Variants in UBL4B observed in about 807,000 individuals in gnomAD.
UBL4B encodes ubiquitin-like protein 4B.
For synonymous variants in UBL4B, 94 were observed against 92.8 expected (o/e 1.01, Z -0.08); for missense variants, 194 against 209.9 (o/e 0.92, Z 0.47).
Position 110,112,471 on chromosome 1 carries a change from C to T in UBL4B, c.-64C>T. The T allele has an allele frequency of 6.5e-7, 1 of 1,533,096 alleles. No individual in the cohort carries two copies. 95.0% of individuals were successfully genotyped at this position (1,533,096 alleles called of 1,614,324 possible). On this transcript the variant is annotated 5_prime_UTR_variant, in exon 1 of 1. Transcript: ENST00000334179. ...GATAGGGAGAAGCCAACATCTCCCG[C>T]AGGACCCCCTAATCTTCAGGGCAGC...
Position 110,112,930 on chromosome 1 carries a change from G to C in UBL4B, c.396G>C (p.Gln132His). 6.2e-7 allele frequency: 1 copy of C among 1,610,104 alleles called. No individual in the cohort carries two copies. Among genetic ancestry groups the C allele is most frequent in the Non-Finnish European group, 8.5e-7 (1 of 1,178,496 alleles). Residue 132 changes from glutamine (Q) to histidine (H), a missense_variant, in exon 1 of 1, where the codon CAG becomes CAC. Gln to His is a conservative substitution (Grantham distance 24). Coordinates refer to ENST00000334179, the MANE Select transcript of UBL4B (RefSeq NM_203412.2). ...LQKISLEHLE[Q>H]LAQYLLAEEP... ...AGATAAGCCTGGAGCACCTGGAGCA[G>C]CTGGCCCAGTACCTCCTGGCAGAGG...
rs1452761407 is a variant in UBL4B, at chr1:110,112,712, T to C, written c.178T>C (p.Cys60Arg). The change falls in exon 1 of 1, where the codon TGC becomes CGC. Residue 60 changes from cysteine (C) to arginine (R), a missense_variant. By Grantham distance (180) the Cys-to-Arg change is radical. Coordinates refer to ENST00000334179, the MANE Select transcript of UBL4B (RefSeq NM_203412.2). Reference sequence around the variant, plus strand: ...GGATGACAAGCACCTCTCTGACTACTGCATTGGGCCCAATGCCTCTATCAA... The same window carrying C: ...GGATGACAAGCACCTCTCTGACTACCGCATTGGGCCCAATGCCTCTATCAA... ...LEDDKHLSDY[C>R]IGPNASINVI... is the part of the protein sequence containing the mutation. 6.2e-7 allele frequency: 1 copy of C among 1,614,142 alleles called. No homozygotes were observed. The highest frequency in any genetic ancestry group is 1.1e-5 in the South Asian group (1 of 91,082).
rs1221463507 is a variant in UBL4B, at chr1:110,112,572, G to A, written c.38G>A (p.Cys13Tyr). Residue 13 changes from cysteine to tyrosine, a missense_variant, in exon 1 of 1, where the codon TGC (cysteine) becomes TAC (tyrosine). Cys to Tyr is a radical substitution (Grantham distance 194). Transcript: ENST00000334179. The stretch of plus-strand genomic sequence containing the variant: ...GTCAAGCTGCTCCTGGGCCAGAGAT[G>A]CAGTCTGAAGGTGTCAGGGCAAGAG... The part of the protein sequence containing the change: ...LTVKLLLGQR[C>Y]SLKVSGQESV... The A allele has an allele frequency of 1.9e-6, 3 of 1,613,166 alleles. No homozygotes were observed. The East Asian group carries it at 6.7e-5, about 36-fold the overall frequency.
chr1:110,112,724 A>C lies in UBL4B; in HGVS notation c.190A>C (p.Asn64His). The change falls in exon 1 of 1, where the codon AAT (asparagine) becomes CAT (histidine). Residue 64 changes from asparagine (N) to histidine (H), a missense_variant. Coordinates refer to ENST00000334179, the MANE Select transcript of UBL4B (RefSeq NM_203412.2). ...KHLSDYCIGP[N>H]ASINVIMQPL... ...CCTCTCTGACTACTGCATTGGGCCC[A>C]ATGCCTCTATCAATGTCATCATGCA... is the stretch of plus-strand genomic sequence containing the variant. The C allele has an allele frequency of 6.2e-7, 1 of 1,614,062 alleles. No individual in the cohort carries two copies. Among genetic ancestry groups the C allele is most frequent in the Non-Finnish European group, 8.5e-7 (1 of 1,180,016 alleles).
chr1:110,112,860 C>T lies in UBL4B; in HGVS notation c.326C>T (p.Ala109Val), dbSNP rs1311233712. 5.0e-6 allele frequency: 8 copies of T among 1,613,512 alleles called. No homozygotes were observed. In the African/African-American group the frequency reaches 5.3e-5, roughly 11 times the overall value. Residue 109 changes from alanine to valine, a missense_variant, in exon 1 of 1, where the codon GCC becomes GTC. Ala to Val is a moderately conservative substitution (Grantham distance 64). Coordinates refer to ENST00000334179, the MANE Select transcript of UBL4B (RefSeq NM_203412.2). ...CACTTTGAACCACAGGATGCCAAGGCCGTGCTGCAGCTGCTAAGGCAGGAG... is the reference window on the plus strand; with the variant it reads ...CACTTTGAACCACAGGATGCCAAGGTCGTGCTGCAGCTGCTAAGGCAGGAG... ...AKHFEPQDAK[A>V]VLQLLRQEHE...
At position 110,113,541 on chromosome 1, in the gene UBL4B, C is replaced by T. The variant is rs1216521740; in HGVS notation, c.*482C>T. On this transcript the variant is annotated 3_prime_UTR_variant, in exon 1 of 1. Coordinates refer to ENST00000334179, the MANE Select transcript of UBL4B (RefSeq NM_203412.2). ...GGAATGTCAGGTAGCTGCCCCTTGCCTTCTGGGTGAGGCTGCCCCTGCTGT... is the reference window on the plus strand; with the variant it reads ...GGAATGTCAGGTAGCTGCCCCTTGCTTTCTGGGTGAGGCTGCCCCTGCTGT... 1 of 171,694 alleles carries T rather than the reference C, an allele frequency of 5.8e-6. No homozygotes were observed. The highest frequency in any genetic ancestry group is 2.4e-5 in the African/African-American group (1 of 41,490). The allele number at this position is 171,694 out of a possible 1,614,324, so 10.6% of individuals were successfully genotyped here.
chr1:110,112,979 G>A lies in UBL4B; in HGVS notation c.445G>A (p.Glu149Lys), dbSNP rs1226239609. Reference protein sequence around the residue: ...AEEPHVEPAGERELEAKARPQ... With the variant: ...AEEPHVEPAGKRELEAKARPQ... ...GGAGCCTCACGTGGAGCCAGCTGGA[G>A]AGAGGGAGCTTGAGGCGAAGGCACG... is the stretch of plus-strand genomic sequence containing the variant. Residue 149 changes from glutamate to lysine, a missense_variant, in exon 1 of 1, where the codon GAG becomes AAG. Physicochemically the swap from Glu to Lys is moderately conservative, Grantham distance 56. Transcript: ENST00000334179. 6.8e-6 allele frequency: 11 copies of A among 1,607,556 alleles called. No individual in the cohort carries two copies. The highest frequency in any genetic ancestry group is 9.3e-6 in the Non-Finnish European group (11 of 1,177,362).
rs779232978 is a variant in UBL4B, at chr1:110,112,652, CA to C, written c.119del (p.Gln40ArgfsTer40). The C allele has an allele frequency of 4.3e-6, 7 of 1,614,072 alleles. No homozygotes were observed. The Admixed American group carries it at 6.7e-5, about 15-fold the overall frequency. On this transcript the variant is annotated frameshift_variant, in exon 1 of 1. Transcript: ENST00000334179. LOFTEE classifies it low-confidence loss of function (END_TRUNC). ...VSRRLKVPEE[Q>X]QHLLFRGQLL... is the part of the protein sequence containing the mutation. ...CAGGCGGCTGAAGGTGCCTGAGGAG[CA>C]GCAGCACCTGCTTTTCCGTGGCCAG...
rs372961606 is a variant in UBL4B at position 110,112,531 on chromosome 1, C to T, written c.-4C>T. 11 of 1,601,026 alleles carry T rather than the reference C, an allele frequency of 6.9e-6. No individual in the cohort carries two copies. In the African/African-American group the frequency reaches 1.3e-4, roughly 19 times the overall value. ...ATGGATCCCTCCTGATTCCACTCAG[C>T]CCGATGTTCCTCACAGTCAAGCTGC... On this transcript the variant is annotated 5_prime_UTR_variant, in exon 1 of 1. Coordinates refer to ENST00000334179, the MANE Select transcript of UBL4B (RefSeq NM_203412.2).
rs760970650 is a variant in UBL4B, at chr1:110,112,446, G to T, written c.-89G>T. On this transcript the variant is annotated 5_prime_UTR_variant, in exon 1 of 1. Transcript: ENST00000334179. ...CTCCTGGGACTACTAGCCCTTTGTT[G>T]ATAGGGAGAAGCCAACATCTCCCGC... 3.3e-6 allele frequency: 5 copies of T among 1,510,458 alleles called. No individual in the cohort carries two copies. Among genetic ancestry groups the T allele is most frequent in the Non-Finnish European group, 4.4e-6 (5 of 1,126,328 alleles). The allele number at this position is 1,510,458 out of a possible 1,614,324, so 93.6% of individuals were successfully genotyped here.
Position 110,112,780 on chromosome 1 carries a change from C to G in UBL4B, c.246C>G (p.Ala82=). 2 of 1,613,902 alleles carry G rather than the reference C, an allele frequency of 1.2e-6. No individual in the cohort carries two copies. Among genetic ancestry groups the G allele is most frequent in the South Asian group, 2.2e-5 (2 of 91,080 alleles). ...QPLEKMALKE[A]HQPQTQPLWH... ...TGGAGAAGATGGCGCTAAAGGAGGC[C>G]CACCAGCCGCAGACCCAGCCCCTGT... Residue 82 remains alanine, a synonymous_variant, in exon 1 of 1, where the codon GCC becomes GCG. Transcript: ENST00000334179.
In UBL4B at chr1:110,113,355, T is replaced by A. The variant is rs1427438761; in HGVS notation, c.*296T>A. ...CTGTGCTGGCAGCTTTGCCCACACA[T>A]ACCCAGCAGCTCCCCAGGCTGAAAG... On this transcript the variant is annotated 3_prime_UTR_variant, in exon 1 of 1. Coordinates refer to ENST00000334179, the MANE Select transcript of UBL4B (RefSeq NM_203412.2). The A allele has an allele frequency of 7.9e-6, 3 of 381,634 alleles. No individual in the cohort carries two copies. The highest frequency in any genetic ancestry group is 1.5e-5 in the Non-Finnish European group (3 of 205,422). 23.6% of individuals were successfully genotyped at this position (381,634 alleles called of 1,614,324 possible).
rs1654837662 is a variant in UBL4B, at chr1:110,113,131, C to T, written c.*72C>T. The T allele has an allele frequency of 1.4e-6, 2 of 1,475,842 alleles. No individual in the cohort carries two copies. The highest frequency in any genetic ancestry group is 1.8e-4 in the Middle Eastern group (1 of 5,452). 91.4% of individuals were successfully genotyped at this position (1,475,842 alleles called of 1,614,324 possible). ...CCTTACGTGTTCCCTGGTGACTTTT[C>T]CTACTACTTCCTGCTGATGTGGATG... On this transcript the variant is annotated 3_prime_UTR_variant, in exon 1 of 1. Transcript: ENST00000334179.
Position 110,113,229 on chromosome 1 carries a change from G to T in UBL4B, c.*170G>T, listed in dbSNP as rs972857443. 18 of 967,404 alleles carry T rather than the reference G, an allele frequency of 1.9e-5. No homozygotes were observed. The highest frequency in any genetic ancestry group is 9.4e-5 in the Admixed American group (3 of 31,946). The allele number at this position is 967,404 out of a possible 1,614,324, so 59.9% of individuals were successfully genotyped here. A position where few individuals can be genotyped will look rare whatever the true frequency, so the allele number is the denominator to read the frequency against. ...ATCCCTGTCCCCTCTTGGGCCTGAGGTCCTCCCTCTGAAATGCAGAGTGAA... is the reference window on the plus strand; with the variant it reads ...ATCCCTGTCCCCTCTTGGGCCTGAGTTCCTCCCTCTGAAATGCAGAGTGAA... On this transcript the variant is annotated 3_prime_UTR_variant, in exon 1 of 1. Coordinates refer to ENST00000334179, the MANE Select transcript of UBL4B (RefSeq NM_203412.2).
chr1:110,112,525 A>C lies in UBL4B; in HGVS notation c.-10A>C. The C allele has an allele frequency of 3.1e-6, 5 of 1,596,352 alleles. No individual in the cohort carries two copies. The South Asian group carries it at 4.5e-5, about 15-fold the overall frequency. On this transcript the variant is annotated 5_prime_UTR_variant, in exon 1 of 1. Coordinates refer to ENST00000334179, the MANE Select transcript of UBL4B (RefSeq NM_203412.2). ...CAGAGCATGGATCCCTCCTGATTCC[A>C]CTCAGCCCGATGTTCCTCACAGTCA...
Position 110,112,963 on chromosome 1 carries a change from C to T in UBL4B, c.429C>T (p.His143=), listed in dbSNP as rs376596892. The T allele has an allele frequency of 1.5e-5, 24 of 1,607,080 alleles. No individual in the cohort carries two copies. Among genetic ancestry groups the T allele is most frequent in the African/African-American group, 8.0e-5 (6 of 74,836 alleles). ...AGTACCTCCTGGCAGAGGAGCCTCA[C>T]GTGGAGCCAGCTGGAGAGAGGGAGC... ...LAQYLLAEEP[H]VEPAGERELE... The change falls in exon 1 of 1, where the codon CAC becomes CAT. Residue 143 remains histidine, a synonymous_variant. Coordinates refer to ENST00000334179, the MANE Select transcript of UBL4B (RefSeq NM_203412.2).
At position 110,113,263 on chromosome 1, in the gene UBL4B, C is replaced by A; in HGVS notation, c.*204C>A. ...CTGAAATGCAGAGTGAACCAACCCT[C>A]ATCACCATGCTTCCCCTAGAAGGGT... On this transcript the variant is annotated 3_prime_UTR_variant, in exon 1 of 1. Coordinates refer to ENST00000334179, the MANE Select transcript of UBL4B (RefSeq NM_203412.2). The A allele has an allele frequency of 1.4e-6, 1 of 694,286 alleles. No individual in the cohort carries two copies. The highest frequency in any genetic ancestry group is 2.4e-6 in the Non-Finnish European group (1 of 424,714). The allele number at this position is 694,286 out of a possible 1,614,324, so 43.0% of individuals were successfully genotyped here. A position where few individuals can be genotyped will look rare whatever the true frequency, so the allele number is the denominator to read the frequency against.
rs1389185900 is a variant in UBL4B at position 110,113,182 on chromosome 1, C to G, written c.*123C>G. ...CGTCCACACCCCTTTTTGAACCTTC[C>G]AAGCAGCTGGAGGGTTTTTGGATCC... On this transcript the variant is annotated 3_prime_UTR_variant, in exon 1 of 1. Coordinates refer to ENST00000334179, the MANE Select transcript of UBL4B (RefSeq NM_203412.2). 1.4e-6 allele frequency: 2 copies of G among 1,384,434 alleles called. No individual in the cohort carries two copies. The highest frequency in any genetic ancestry group is 5.1e-5 in the East Asian group (2 of 39,550). The allele number at this position is 1,384,434 out of a possible 1,614,324, so 85.8% of individuals were successfully genotyped here. A position where few individuals can be genotyped will look rare whatever the true frequency, so the allele number is the denominator to read the frequency against.
In UBL4B at chr1:110,113,110, A is replaced by C; in HGVS notation, c.*51A>C. Reference sequence around the variant, plus strand: ...CTAAAATTCTCCCGGCCTCATCCTTACGTGTTCCCTGGTGACTTTTCCTAC... The same window carrying C: ...CTAAAATTCTCCCGGCCTCATCCTTCCGTGTTCCCTGGTGACTTTTCCTAC... On this transcript the variant is annotated 3_prime_UTR_variant, in exon 1 of 1. Transcript: ENST00000334179. The C allele has an allele frequency of 6.6e-7, 1 of 1,503,952 alleles. No individual in the cohort carries two copies. The highest frequency in any genetic ancestry group is 8.9e-7 in the Non-Finnish European group (1 of 1,128,568). The allele number at this position is 1,503,952 out of a possible 1,614,324, so 93.2% of individuals were successfully genotyped here.
Sources: allele counts gnomAD v4.1 joint callset, GRCh38; gene constraint gnomAD v4.1.1; transcripts MANE v1.5; gene names NCBI Gene and HGNC (gene_info 2026-07-23, HGNC 2026-07-21).